The following FBXL3 variants were observed in gnomAD, a reference collection of about 807,000 sequenced individuals.
FBXL3 encodes the protein F-box/LRR-repeat protein 3.
A neutral mutation model predicts 37.9 loss-of-function variants in FBXL3; 14 were observed. That is an observed-to-expected ratio of 0.37 (90% CI 0.24 to 0.58). FBXL3 has a LOEUF of 0.58. Ranked by LOEUF, FBXL3 falls within the 20% of genes least tolerant of loss-of-function variation. The probability of loss-of-function intolerance (pLI) is 0.74; values close to 1 mark genes in which losing one functional copy is unlikely to be tolerated. For missense variants in FBXL3, 327 were observed against 511.1 expected (o/e 0.64, Z 3.47); for synonymous variants, 194 against 180.1 (o/e 1.08, Z -0.62).
At chr13:77,017,747 T>G (rs2034669638) in intron 3 of FBXL3, 1 of 152,150 alleles carries the variant, frequency 6.6e-6, no homozygotes. Flanking sequence ...CAATTAAGAC[T>G]TTGACATCAA....
chr13:77,013,231 G>C (rs2034585790), intron 4 of FBXL3: 1 of 152,164 alleles, frequency 6.6e-6, no homozygotes, highest in Non-Finnish European at 1.5e-5. Context: ...TCATTCCTGG[G>C]CATAGGCCGA....
rs1463679147 is a variant in FBXL3, at chr13:77,015,476, T to G, written c.576A>C (p.Leu192=). 1 of 1,608,314 alleles carries G rather than the reference T, an allele frequency of 6.2e-7. No individual in the cohort carries two copies. The highest frequency in any genetic ancestry group is 1.3e-5 in the African/African-American group (1 of 74,750). Residue 192 remains leucine, a synonymous_variant, in exon 4 of 5, where the codon CTA becomes CTC. Coordinates refer to ENST00000355619, the MANE Select transcript of FBXL3 (RefSeq NM_012158.4). The stretch of plus-strand genomic sequence containing the variant: ...TGAGTGTATCACTATTGTTGGCCAC[T>G]AGTACTTTGAGAGATGGATCATCTA... ...TPVDDPSLKV[L]VANNSDTLKL...
intron 3 of FBXL3, chr13:77,015,823 G>A (rs139518675): frequency 4.0e-6 from 1 of 248,204 alleles, no homozygotes; most frequent in African/African-American, 2.2e-5. Flanking sequence ...CAGGATAAGT[G>A]TCTCTAAATC....
chr13:77,012,444 A>G (rs946177641), intron 4 of FBXL3, among the ~76,000 whole-genome samples: 3 of 152,212 alleles, frequency 2.0e-5, no homozygotes, highest in Non-Finnish European at 4.4e-5. Flanking sequence ...TCACAGCAAA[A>G]AAGGTAAAAA....
chr13:77,007,509 A>G lies in FBXL3; in HGVS notation c.923T>C (p.Ile308Thr), dbSNP rs573517886. ...EEFDPFFRYE[I>T]PATHLYFGRS... is the part of the protein sequence containing the mutation. ...CCCAAAGTACAGATGGGTGGCAGGT[A>G]TTTCATAGCGAAAGAAGGGGTCAAA... The change falls in exon 5 of 5, where the codon ATA (isoleucine) becomes ACA (threonine). Residue 308 changes from isoleucine (I) to threonine (T), a missense_variant. Transcript: ENST00000355619. 9 of 1,614,202 alleles carry G rather than the reference A, an allele frequency of 5.6e-6. No individual in the cohort carries two copies. In the African/African-American group the frequency reaches 1.1e-4, roughly 19 times the overall value.
intron 2 of FBXL3, among the ~76,000 whole-genome samples, chr13:77,021,124 C>T (rs528867280): frequency 1.3e-5 from 2 of 152,260 alleles, no homozygotes; most frequent in East Asian, 3.9e-4. Context: ...TTTCAAAAAG[C>T]CATCAGTAAG....
intron 4 of FBXL3, chr13:77,012,841 C>G (rs1472340892): frequency 6.6e-6 from 1 of 152,334 alleles, no homozygotes; most frequent in Non-Finnish European, 1.5e-5. Context: ...GTGGTGCGAC[C>G]TCGGCTCACT....
intron 1 of FBXL3, among the ~76,000 whole-genome samples, chr13:77,022,905 A>G (rs894037945): frequency 6.6e-6 from 1 of 152,186 alleles, no homozygotes; most frequent in African/African-American, 2.4e-5. Flanking sequence ...TGTGGCTTTG[A>G]GCAAATTACT....
chr13:77,026,099 T>C (rs1593939263), intron 1 of FBXL3: 1 of 828,168 alleles, frequency 1.2e-6, no homozygotes, highest in East Asian at 1.2e-4. Flanking sequence ...AAAAGGAGGA[T>C]TCTAATTAAA....
At chr13:77,009,323 G>A (rs879360106) in intron 4 of FBXL3, 1 of 152,170 alleles carries the variant, frequency 6.6e-6, no homozygotes, top group Non-Finnish European at 1.5e-5. Context: ...CCGCAAAGTA[G>A]GTATATACTT....
At chr13:77,015,369 G>C (rs757892548) in intron 4 of FBXL3, 40 bp downstream of exon 4, 1 of 1,431,314 alleles carries the variant, frequency 7.0e-7, no homozygotes, top group Non-Finnish European at 9.3e-7. Context: ...ACATAGCAAT[G>C]CATTTTACTA....
intron 1 of FBXL3, among the ~76,000 whole-genome samples, chr13:77,022,920 A>G (rs1216704814): frequency 1.3e-5 from 2 of 152,212 alleles, no homozygotes; most frequent in Non-Finnish European, 2.9e-5. Flanking sequence ...ATTACTTGAT[A>G]TTCCTGTGCT....
At chr13:77,020,779 T>A (rs866787081) in intron 2 of FBXL3, among the ~76,000 whole-genome samples, 9 of 152,128 alleles carry the variant, frequency 5.9e-5, no homozygotes, top group Middle Eastern at 3.2e-3. Flanking sequence ...TCACCAAGGC[T>A]GTAGTACAGC....
At chr13:77,008,080 G>C (rs1415353034) in intron 4 of FBXL3, among the ~76,000 whole-genome samples, 2 of 152,162 alleles carry the variant, frequency 1.3e-5, no homozygotes, top group African/African-American at 4.8e-5. Flanking sequence ...GGGCATTCCA[G>C]TAATGCACAG....
intron 1 of FBXL3, among the ~76,000 whole-genome samples, chr13:77,023,149 AT>A (rs1277358525): frequency 6.8e-6 from 1 of 147,682 alleles, no homozygotes. Flanking sequence ...CCGTTCACTC[AT>A]TCATTCATTC....
intron 1 of FBXL3, among the ~76,000 whole-genome samples, chr13:77,023,662 T>C (rs958296201): frequency 6.6e-6 from 1 of 152,222 alleles, no homozygotes; most frequent in African/African-American, 2.4e-5. Flanking sequence ...AGAGAACAGT[T>C]CTGGCAGGGT....
At chr13:77,019,411 C>T (rs1398294443) in intron 2 of FBXL3, among the ~76,000 whole-genome samples, 1 of 152,166 alleles carries the variant, frequency 6.6e-6, no homozygotes, top group Non-Finnish European at 1.5e-5. Flanking sequence ...TCCTGGGAAG[C>T]ACCTTAAAAC....
At chr13:77,016,017 T>C (rs1019769251) in intron 3 of FBXL3, 2 of 152,298 alleles carry the variant, frequency 1.3e-5, no homozygotes, top group African/African-American at 4.8e-5. Context: ...AAATTAATAA[T>C]TTATTCAAAA....
chr13:77,021,741 AAGG>A lies in FBXL3; in HGVS notation c.117_119del (p.Leu40del). ...TAAATACTTGGAGAATAATGTCCTG[AAGG>A]AGATTACCCCAATCACAAGTCTGAG... On this transcript the variant is annotated inframe_deletion, in exon 2 of 5. Coordinates refer to ENST00000355619, the MANE Select transcript of FBXL3 (RefSeq NM_012158.4). The A allele has an allele frequency of 6.2e-7, 1 of 1,613,754 alleles. No homozygotes were observed. The highest frequency in any genetic ancestry group is 8.5e-7 in the Non-Finnish European group (1 of 1,179,910).
Sources: gnomAD v4.1 joint callset for allele counts (sites outside exome capture counted in the v4.1 genomes callset) on GRCh38, gnomAD v4.1.1 for gene constraint, MANE v1.5 for transcripts, NCBI Gene and HGNC (gene_info 2026-07-23, HGNC 2026-07-21) for gene names.